The following TDRD1 variants were observed in gnomAD, a reference collection of about 807,000 sequenced individuals.
The protein encoded by TDRD1 is tudor domain-containing protein 1.
TDRD1 carries 37 observed loss-of-function variants against 140.6 expected under a neutral mutation model. The ratio of observed to expected loss-of-function variants is 0.26; its 90% CI spans 0.20 to 0.35. The LOEUF is 0.35. TDRD1 is among the 10% of genes least tolerant of loss of function. The pLI, the probability that TDRD1 is intolerant of heterozygous loss-of-function variation, is 1.00. For synonymous variants in TDRD1, 506 were observed against 475.7 expected, an observed-to-expected ratio of 1.06 and a Z score of -0.83; for missense variants, 1,243 against 1,393.0, an observed-to-expected ratio of 0.89 and a Z score of 1.71.
At chr10:114,187,753 A>G in intron 1 of TDRD1, 73 bp from the exon 2 acceptor site, 1 of 1,278,236 alleles carries the variant, frequency 7.8e-7, no homozygotes, top group Non-Finnish European at 1.1e-6. Context: ...ATTTGGGAGA[A>G]TTCCTCTGAG....
At position 114,228,822 on chromosome 10, in the gene TDRD1, G is replaced by T. The variant is rs573857986; in HGVS notation, c.3538+697G>T. The T allele has an allele frequency of 4.5e-4, 441 of 980,590 alleles. 3 individuals are homozygous for T. The African/African-American group carries it at 6.8e-3, about 15-fold the overall frequency. The allele number at this position is 980,590 out of a possible 1,614,324, so 60.7% of individuals were successfully genotyped here. A position where few individuals can be genotyped will look rare whatever the true frequency, so the allele number is the denominator to read the frequency against. ...ATCAGGGCTGGGGGTGGTGGCTCAC[G>T]CCTGTAATCCCAGCACTTTGGGAGG... On this transcript the variant is annotated intron_variant, in intron 25 of 25. Coordinates refer to ENST00000251864, the Ensembl canonical transcript of TDRD1.
chr10:114,187,641 C>A (rs922639909), intron 1 of TDRD1, among the ~76,000 whole-genome samples, 185 bp from the exon 2 acceptor site: 1 of 152,170 alleles, frequency 6.6e-6, no homozygotes, highest in Admixed American at 6.5e-5. Flanking sequence ...TTCATACTTA[C>A]AGAGAACTGG....
chr10:114,188,771 C>T (rs1004679066), intron 2 of TDRD1, among the ~76,000 whole-genome samples: 1 of 151,264 alleles, frequency 6.6e-6, no homozygotes, highest in Non-Finnish European at 1.5e-5. Flanking sequence ...GCAGGAGAAT[C>T]GCTTGAACCT....
At chr10:114,181,794 G>A (rs960750399) in intron 1 of TDRD1, among the ~76,000 whole-genome samples, 3 of 151,004 alleles carry the variant, frequency 2.0e-5, no homozygotes, top group Admixed American at 1.3e-4. Context: ...GCAGTGAGCC[G>A]GAGATCATGC....
intron 9 of TDRD1, among the ~76,000 whole-genome samples, 179 bp downstream of exon 9, chr10:114,204,395 C>G (rs1036430711): frequency 5.3e-5 from 8 of 152,164 alleles, no homozygotes; most frequent in African/African-American, 1.7e-4. Context: ...GGGTGAGAAA[C>G]TAACATTTTT....
intron 23 of TDRD1, 35 bp from the exon 24 acceptor site, chr10:114,227,875 T>A: frequency 6.4e-7 from 1 of 1,571,458 alleles, no homozygotes; most frequent in Non-Finnish European, 8.8e-7. Flanking sequence ...TTACATTATG[T>A]GTTATCTAAT....
chr10:114,226,784 G>C (rs2036463646), intron 22 of TDRD1, among the ~76,000 whole-genome samples: 1 of 152,186 alleles, frequency 6.6e-6, no homozygotes, highest in African/African-American at 2.4e-5. Context: ...CTTAGGTTTT[G>C]ACTCAGAGTT....
intron 1 of TDRD1, among the ~76,000 whole-genome samples, chr10:114,187,179 G>A (rs747409933): frequency 2.6e-5 from 4 of 152,170 alleles, no homozygotes; most frequent in Non-Finnish European, 5.9e-5. Flanking sequence ...CTTATTTTCA[G>A]AGAAAGATGC....
intron 1 of TDRD1, among the ~76,000 whole-genome samples, chr10:114,183,369 A>G (rs995036143): frequency 6.6e-6 from 1 of 152,210 alleles, no homozygotes; most frequent in Non-Finnish European, 1.5e-5. Context: ...AAAAAGGTTT[A>G]CTATTAGATG....
chr10:114,214,235 G>T, intron 16 of TDRD1, 121 bp downstream of exon 16: 1 of 804,444 alleles, frequency 1.2e-6, no homozygotes. Context: ...AGTGGTATTT[G>T]TATTTCCAAG....
At chr10:114,230,043 G>C (rs1356292571) in intron 25 of TDRD1, among the ~76,000 whole-genome samples, 1 of 152,094 alleles carries the variant, frequency 6.6e-6, no homozygotes, top group Non-Finnish European at 1.5e-5. Flanking sequence ...GTGTTAGCCA[G>C]GATGGTCTCG....
chr10:114,217,452 T>A (rs1416291661), intron 16 of TDRD1, 93 bp from the exon 17 acceptor site: 5 of 639,100 alleles, frequency 7.8e-6, no homozygotes, highest in Non-Finnish European at 1.1e-5. Context: ...CCTGTCTTGA[T>A]CATAAAAATC....
chr10:114,183,956 G>GT (rs2033308042), intron 1 of TDRD1, among the ~76,000 whole-genome samples: 1 of 151,762 alleles, frequency 6.6e-6, no homozygotes, highest in Non-Finnish European at 1.5e-5. Context: ...GCATTTTTTG[G>GT]TATTTAGGAT....
chr10:114,213,713 C>A, intron 15 of TDRD1, 125 bp downstream of exon 15: 2 of 916,138 alleles, frequency 2.2e-6, no homozygotes, highest in Non-Finnish European at 3.3e-6. Context: ...ATCAAGCATT[C>A]ATCTAAATAC....
intron 8 of TDRD1, among the ~76,000 whole-genome samples, 165 bp downstream of exon 8, chr10:114,203,732 T>C (rs1381940471): frequency 1.3e-5 from 2 of 152,248 alleles, no homozygotes; most frequent in East Asian, 3.8e-4. Context: ...GCTTCCTCCC[T>C]GTCTTACTCC....
At chr10:114,202,354 G>A (rs1301313410) in intron 6 of TDRD1, 56 bp downstream of exon 6, 2 of 1,230,596 alleles carry the variant, frequency 1.6e-6, no homozygotes, top group Non-Finnish European at 2.3e-6. Flanking sequence ...GAATTAAGAT[G>A]TAAGATAAAT....
exon 18 of TDRD1, chr10:114,218,581 G>A (rs1181859144): frequency 6.3e-7 from 1 of 1,599,528 alleles, no homozygotes; most frequent in South Asian, 1.1e-5. Flanking sequence ...GTGCCAGTTA[G>A]CAGGTATGGT....
At chr10:114,184,579 G>A (rs2033369892) in intron 1 of TDRD1, among the ~76,000 whole-genome samples, 3 of 152,204 alleles carry the variant, frequency 2.0e-5, no homozygotes, top group Admixed American at 6.5e-5. Context: ...AGAACTCTGT[G>A]GCCAGTAGTG....
rs1375445802 is a variant in TDRD1 at position 114,188,093 on chromosome 10, A to G, written c.262A>G (p.Asn88Asp). 11 of 1,612,760 alleles carry G rather than the reference A, an allele frequency of 6.8e-6. No homozygotes were observed. In the East Asian group the frequency reaches 1.6e-4, roughly 23 times the overall value. The change falls in exon 2 of 26, where the codon AAC (asparagine) becomes GAC (aspartate). Residue 88 changes from asparagine to aspartate, a missense_variant. Physicochemically the swap from Asn to Asp is conservative, Grantham distance 23. Around this residue, in one of 5 missense-constraint regions of TDRD1, gnomAD observed 237 missense variants for 215.5 expected, o/e 1.10. Transcript: ENST00000251864. ...TCAGGAAGACAATTCAGTTTCTTCA[A>G]ACCCGAATGGCATCAACGGAGAAGT...
Sources: gnomAD v4.1 joint callset for allele counts (sites outside exome capture counted in the v4.1 genomes callset) on GRCh38, gnomAD v4.1.1 for gene constraint, gnomAD v4.1.1 regional missense constraint, MANE v1.5 for transcripts, NCBI Gene and HGNC (gene_info 2026-07-23, HGNC 2026-07-21) for gene names.